RPP14: variants seen among roughly 807,000 people sequenced by gnomAD.
The protein encoded by RPP14 is ribonuclease P protein subunit p14.
Under a neutral mutation model 17.8 loss-of-function variants are expected in RPP14, and 19 were observed. That is an observed-to-expected ratio of 1.07 (90% confidence interval 0.74 to 1.57). RPP14 has a LOEUF of 1.57. Ranked by LOEUF, RPP14 falls within the 40% of genes most tolerant of loss-of-function variation. The pLI, the probability that RPP14 is intolerant of heterozygous loss-of-function variation, is 0.00. For missense variants in RPP14, 125 were observed against 140.8 expected (o/e 0.89, Z 0.57); for synonymous variants, 60 against 56.4 (o/e 1.06, Z -0.29).
At chr3:58,315,379 T>G (rs534215668) in intron 3 of RPP14, among the ~76,000 whole-genome samples, 1 of 143,274 alleles carries the variant, frequency 7.0e-6, no homozygotes, top group Non-Finnish European at 1.5e-5. Flanking sequence ...GGGTGAGGAG[T>G]AGGGGAGGAG....
chr3:58,310,658 C>T (rs937877411), intron 3 of RPP14, 67 bp downstream of exon 3: 28 of 1,387,836 alleles, frequency 2.0e-5, no homozygotes, highest in Admixed American at 6.2e-5. Flanking sequence ...AGAGGCCGGG[C>T]GCGGTAGCTC....
intron 3 of RPP14, among the ~76,000 whole-genome samples, chr3:58,312,360 A>C (rs1354129738): frequency 8.2e-6 from 1 of 121,790 alleles, no homozygotes; most frequent in African/African-American, 3.2e-5. Flanking sequence ...CCCGGATTCA[A>C]GTGATTCTCC....
Position 58,317,813 on chromosome 3 carries a change from A to G in RPP14, c.*317A>G, listed in dbSNP as rs1253507973. 2.8e-6 allele frequency: 2 copies of G among 703,056 alleles called. No homozygotes were observed. The highest frequency in any genetic ancestry group is 4.0e-5 in the Admixed American group (2 of 50,006). 43.6% of individuals were successfully genotyped at this position (703,056 alleles called of 1,614,324 possible). A position where few individuals can be genotyped will look rare whatever the true frequency, so the allele number is the denominator to read the frequency against. ...TTAACAGGGGATGTCAATCCTTTGC[A>G]TTTGAATGAAGACTTTGCAAAACAC... is the stretch of plus-strand genomic sequence containing the variant. On this transcript the variant is annotated 3_prime_UTR_variant, in exon 6 of 6. Coordinates refer to ENST00000295959, the MANE Select transcript of RPP14 (RefSeq NM_007042.6).
chr3:58,317,708 A>G lies in RPP14; in HGVS notation c.*212A>G, dbSNP rs2097489823. 3 of 704,052 alleles carry G rather than the reference A, an allele frequency of 4.3e-6. No individual in the cohort carries two copies. The highest frequency in any genetic ancestry group is 4.0e-5 in the Admixed American group (2 of 49,994). The allele number at this position is 704,052 out of a possible 1,614,324, so 43.6% of individuals were successfully genotyped here. On this transcript the variant is annotated 3_prime_UTR_variant, in exon 6 of 6. Coordinates refer to ENST00000295959, the MANE Select transcript of RPP14 (RefSeq NM_007042.6). The stretch of plus-strand genomic sequence containing the variant: ...CCAGTGCTGACCCTGCAGCACTTTC[A>G]GCATATGCACATCAAAGTTGGAGAC...
At position 58,317,908 on chromosome 3, in the gene RPP14, A is replaced by G. The variant is rs1009282811; in HGVS notation, c.*412A>G. On this transcript the variant is annotated 3_prime_UTR_variant, in exon 6 of 6. Coordinates refer to ENST00000295959, the MANE Select transcript of RPP14 (RefSeq NM_007042.6). The stretch of plus-strand genomic sequence containing the variant: ...ACTTATCTCAGCTCTCCTAGGAACT[A>G]AAATGCCAGGGCCAGGCTGTGTATT... 8.5e-6 allele frequency: 6 copies of G among 702,894 alleles called. No homozygotes were observed. The African/African-American group carries it at 8.7e-5, about 10-fold the overall frequency. The allele number at this position is 702,894 out of a possible 1,614,324, so 43.5% of individuals were successfully genotyped here.
rs761953471 is a variant in RPP14 at position 58,316,966 on chromosome 3, C to A, written c.291C>A (p.Gly97=). The change falls in exon 5 of 6, where the codon GGC becomes GGA. Residue 97 remains glycine (G), a synonymous_variant. Transcript: ENST00000295959. The part of the protein sequence containing the change: ...SSLTLLGSYK[G]KKCAFRVIQV... ...TGACCCTGTTAGGATCCTATAAAGGCAAAAAATGTGCTTTCCGGGTGATTC... is the reference window on the plus strand; with the variant it reads ...TGACCCTGTTAGGATCCTATAAAGGAAAAAAATGTGCTTTCCGGGTGATTC... 9.3e-6 allele frequency: 15 copies of A among 1,612,716 alleles called. No homozygotes were observed. The South Asian group carries it at 1.7e-4, about 18-fold the overall frequency.
In RPP14 at chr3:58,319,285, C is replaced by T. The variant is rs561866267; in HGVS notation, c.*1789C>T. 5 of 152,256 alleles carry T rather than the reference C, an allele frequency of 3.3e-5. No individual in the cohort carries two copies. The East Asian group carries it at 5.8e-4, about 18-fold the overall frequency. The allele number at this position is 152,256 out of a possible 1,614,324, so 9.4% of individuals were successfully genotyped here. Reference sequence around the variant, plus strand: ...TGAGACTTGCGTTTCAGGGGAGGGGCGTATGTGCATCCTCGGTCTCAGTTA... The same window carrying T: ...TGAGACTTGCGTTTCAGGGGAGGGGTGTATGTGCATCCTCGGTCTCAGTTA... On this transcript the variant is annotated 3_prime_UTR_variant, in exon 6 of 6. Coordinates refer to ENST00000295959, the MANE Select transcript of RPP14 (RefSeq NM_007042.6).
intron 3 of RPP14, among the ~76,000 whole-genome samples, chr3:58,312,878 T>G (rs1379690111): frequency 6.7e-6 from 1 of 149,372 alleles, no homozygotes; most frequent in Non-Finnish European, 1.5e-5. Context: ...GGAGAATTGC[T>G]TGAACCTGGG....
At position 58,318,385 on chromosome 3, in the gene RPP14, C is replaced by T. The variant is rs1135089; in HGVS notation, c.*889C>T. ...TTTAATTCAAGAAGTAGGCTGGGCC[C>T]GGTGGCTCATGCCTGTAATCCTGGC... On this transcript the variant is annotated 3_prime_UTR_variant, in exon 6 of 6. Coordinates refer to ENST00000295959, the MANE Select transcript of RPP14 (RefSeq NM_007042.6). 0.25 allele frequency: 67,345 copies of T among 272,230 alleles called. 11,821 individuals carry two copies. The highest frequency in any genetic ancestry group is 0.79 in the East Asian group (10,410 of 13,220). The allele number at this position is 272,230 out of a possible 1,614,324, so 16.9% of individuals were successfully genotyped here. A position where few individuals can be genotyped will look rare whatever the true frequency, so the allele number is the denominator to read the frequency against.
intron 4 of RPP14, 66 bp from the exon 5 acceptor site, chr3:58,316,849 C>G: frequency 7.5e-7 from 1 of 1,324,974 alleles, no homozygotes; most frequent in Non-Finnish European, 1.1e-6. Flanking sequence ...ATTTTAGAAA[C>G]CTTAGTTGAA....
chr3:58,311,755 C>G (rs1219899607), intron 3 of RPP14, among the ~76,000 whole-genome samples: 3 of 151,412 alleles, frequency 2.0e-5, no homozygotes, highest in Non-Finnish European at 2.9e-5. Context: ...GCTGGGATGA[C>G]AGCATGAGCC....
intron 3 of RPP14, among the ~76,000 whole-genome samples, chr3:58,314,675 AT>A (rs751757663): frequency 0.21 from 18,533 of 88,806 alleles, 581 homozygotes; most frequent in African/African-American, 0.22. Flanking sequence ...GTTTGGCAGT[AT>A]TTTTTTTTTT....
chr3:58,315,395 G>A (rs2097487183), intron 3 of RPP14, among the ~76,000 whole-genome samples: 2 of 151,820 alleles, frequency 1.3e-5, no homozygotes, highest in Admixed American at 1.3e-4. Flanking sequence ...AGGAGGGGTG[G>A]GTGTGGCTGT....
At position 58,316,544 on chromosome 3, in the gene RPP14, A is replaced by T; in HGVS notation, c.192A>T (p.Leu64=). 6.2e-7 allele frequency: 1 copy of T among 1,614,128 alleles called. No homozygotes were observed. The highest frequency in any genetic ancestry group is 8.5e-7 in the Non-Finnish European group (1 of 1,179,962). ...ATGCCGCCTTACCTTTGGACATCCT[A>T]ACCTATGAAGAGAAGACCTTGTCAG... The part of the protein sequence containing the change: ...EVDAALPLDI[L]TYEEKTLSAI... The change falls in exon 4 of 6, where the codon CTA becomes CTT. Residue 64 remains leucine, a synonymous_variant. Transcript: ENST00000295959.
chr3:58,310,241 A>G, intron 1 of RPP14, 68 bp from the exon 2 acceptor site: 3 of 1,319,268 alleles, frequency 2.3e-6, no homozygotes, highest in Non-Finnish European at 3.2e-6. Flanking sequence ...AAATAGGCCA[A>G]ATTCTCATCA....
chr3:58,314,072 G>A (rs1268951982), intron 3 of RPP14, among the ~76,000 whole-genome samples: 1 of 152,066 alleles, frequency 6.6e-6, no homozygotes, highest in African/African-American at 2.4e-5. Flanking sequence ...AATAACACAT[G>A]GGGCGTGGTG....
At chr3:58,306,875 A>C (rs1436368247) in intron 1 of RPP14, among the ~76,000 whole-genome samples, 1 of 152,226 alleles carries the variant, frequency 6.6e-6, no homozygotes, top group Non-Finnish European at 1.5e-5. Context: ...GTACAGATAA[A>C]GATAAACGAG....
At position 58,310,205 on chromosome 3, in the gene RPP14, T is replaced by C. The variant is rs1250898444; in HGVS notation, c.-21-104T>C. ...CTAGGTGACAGGGTGAGACCCTGCC[T>C]TAAAACAAACAAACAAAAAAAACCC... On this transcript the variant is annotated intron_variant, in intron 1 of 5. Transcript: ENST00000295959. 9.7e-6 allele frequency: 8 copies of C among 828,702 alleles called. No homozygotes were observed. The East Asian group carries it at 1.8e-4, about 19-fold the overall frequency. The allele number at this position is 828,702 out of a possible 1,614,324, so 51.3% of individuals were successfully genotyped here.
At chr3:58,309,595 A>G (rs1410446664) in intron 1 of RPP14, among the ~76,000 whole-genome samples, 1 of 152,198 alleles carries the variant, frequency 6.6e-6, no homozygotes, top group Admixed American at 6.5e-5. Flanking sequence ...CAGAAGTCTT[A>G]AAAACCAAAC....
Sources: allele counts gnomAD v4.1 joint callset (sites outside exome capture counted in the v4.1 genomes callset), GRCh38; gene constraint gnomAD v4.1.1; transcripts MANE v1.5; gene names NCBI Gene and HGNC (gene_info 2026-07-23, HGNC 2026-07-21).